The following CRAMP1 variants were observed in gnomAD, a reference collection of about 807,000 sequenced individuals.
The protein encoded by CRAMP1 is protein cramped-like.
A neutral mutation model predicts 115.4 loss-of-function variants in CRAMP1; 50 were observed. The ratio of observed to expected loss-of-function variants is 0.43; its 90% CI spans 0.35 to 0.55. CRAMP1 has a LOEUF of 0.55. Among genes scored for constraint, CRAMP1 ranks in the 20% least tolerant of loss-of-function variants. The pLI is 0.01. For missense variants in CRAMP1, 1,679 were observed against 1,721.7 expected (o/e 0.98, Z 0.44); for synonymous variants, 866 against 745.4 (o/e 1.16, Z -2.64).
intron 4 of CRAMP1, among the ~76,000 whole-genome samples, chr16:1,633,044 T>C (rs2036559253): frequency 6.6e-6 from 1 of 152,192 alleles, no homozygotes; most frequent in Non-Finnish European, 1.5e-5. Context: ...CACAGCTTGG[T>C]CCTTCCAGAT....
At chr16:1,653,234 A>C (rs1302251386) in intron 8 of CRAMP1, 78 bp downstream of exon 8, 1 of 1,500,260 alleles carries the variant, frequency 6.7e-7, no homozygotes, top group Non-Finnish European at 9.0e-7. Flanking sequence ...GTTTCCCTCA[A>C]GGAACTTCCA....
intron 9 of CRAMP1, 133 bp downstream of exon 9, chr16:1,655,433 A>G: frequency 2.7e-6 from 2 of 748,932 alleles, no homozygotes; most frequent in Admixed American, 4.0e-5. Flanking sequence ...CATGGTGTAC[A>G]TCTGGAACCA....
At position 1,656,963 on chromosome 16, in the gene CRAMP1, C is replaced by A; in HGVS notation, c.2206C>A (p.Leu736Ile). ...KQRLLSCLLK[L>I]ISTEVNPKLA... Reference sequence around the variant, plus strand: ...GCGCCTCCTCAGCTGCCTCCTGAAGCTCATTTCCACCGAGGTCAACCCCAA... The same window carrying A: ...GCGCCTCCTCAGCTGCCTCCTGAAGATCATTTCCACCGAGGTCAACCCCAA... Residue 736 changes from leucine (L) to isoleucine (I), a missense_variant, in exon 10 of 21, where the codon CTC (leucine) becomes ATC (isoleucine). Leu to Ile is a conservative substitution (Grantham distance 5). Around this residue, in one of 8 missense-constraint regions of CRAMP1, gnomAD observed 709 missense variants for 741.9 expected, o/e 0.96. Coordinates refer to ENST00000397412, the MANE Select transcript of CRAMP1 (RefSeq NM_020825.4). This position sits in a 1 kb window ranked among gnomAD's most constrained non-coding sequence, Gnocchi z 5.6. 6.4e-7 allele frequency: 1 copy of A among 1,550,988 alleles called. No homozygotes were observed.
At position 1,676,637 on chromosome 16, in the gene CRAMP1, A is replaced by G. The variant is rs1437366168; in HGVS notation, c.*2592A>G. Reference sequence around the variant, plus strand: ...TTAAGATGAGATCAGTTTCTTAGAAAAAGCTTTCCTGAATCCCTCTGACGT... The same window carrying G: ...TTAAGATGAGATCAGTTTCTTAGAAGAAGCTTTCCTGAATCCCTCTGACGT... On this transcript the variant is annotated 3_prime_UTR_variant, in exon 21 of 21. Transcript: ENST00000397412. The G allele has an allele frequency of 6.6e-6, 1 of 152,244 alleles. No homozygotes were observed. Among genetic ancestry groups the G allele is most frequent in the Non-Finnish European group, 1.5e-5 (1 of 68,048 alleles). 9.4% of individuals were successfully genotyped at this position (152,244 alleles called of 1,614,324 possible). A position where few individuals can be genotyped will look rare whatever the true frequency, so the allele number is the denominator to read the frequency against.
rs576229112 is a variant in CRAMP1, at chr16:1,674,276, C to T, written c.*231C>T. The T allele has an allele frequency of 4.1e-5, 23 of 559,364 alleles. No homozygotes were observed. The highest frequency in any genetic ancestry group is 1.2e-4 in the East Asian group (4 of 33,442). 34.7% of individuals were successfully genotyped at this position (559,364 alleles called of 1,614,324 possible). On this transcript the variant is annotated 3_prime_UTR_variant, in exon 21 of 21. Transcript: ENST00000397412. ...TTAGAAATCACTGTGGTACTAGAGC[C>T]GTTCTTCACCACGCCTGGGCCCATG...
Position 1,622,782 on chromosome 16 carries a change from G to A in CRAMP1, c.347-3191G>A, listed in dbSNP as rs943959609. Among the ~76,000 whole-genome samples the A allele has an allele frequency of 2.2e-5, 3 of 139,488 alleles. No homozygotes were observed. In the Admixed American group the frequency reaches 2.2e-4, roughly 10 times the overall value. The allele number at this position is 139,488 out of a possible 152,430, so 91.5% of individuals were successfully genotyped here. On this transcript the variant is annotated intron_variant, in intron 2 of 20. Coordinates refer to ENST00000397412, the MANE Select transcript of CRAMP1 (RefSeq NM_020825.4). ...TTTTTTTTTTTTTTTTCTTTTTTGA[G>A]ACAGTCTCTCACTCTGTCACCCAGG...
At chr16:1,633,263 G>A (rs2036560782) in intron 4 of CRAMP1, among the ~76,000 whole-genome samples, 1 of 152,222 alleles carries the variant, frequency 6.6e-6, no homozygotes, top group African/African-American at 2.4e-5. Context: ...TTTGCCCGGA[G>A]CTTTGGGAAG....
rs747427403 is a variant in CRAMP1 at position 1,666,527 on chromosome 16, A to G, written c.2963A>G (p.Glu988Gly). The part of the protein sequence containing the change: ...LSGISPLSSD[E>G]VTGAISGQDS... ...GGCATCTCTCCACTGTCTTCAGACG[A>G]GGTGACGGGTGCCATCTCGGGGCAG... Residue 988 changes from glutamate to glycine, a missense_variant, in exon 16 of 21, where the codon GAG (glutamate) becomes GGG (glycine). By Grantham distance (98) the Glu-to-Gly change is moderately conservative. Around this residue, in one of 8 missense-constraint regions of CRAMP1, gnomAD observed 709 missense variants for 741.9 expected, o/e 0.96. Coordinates refer to ENST00000397412, the MANE Select transcript of CRAMP1 (RefSeq NM_020825.4). This position sits in a 1 kb window ranked among gnomAD's most constrained non-coding sequence, Gnocchi z 5.0. The G allele has an allele frequency of 6.2e-7, 1 of 1,613,922 alleles. No homozygotes were observed. The highest frequency in any genetic ancestry group is 8.5e-7 in the Non-Finnish European group (1 of 1,179,870).
chr16:1,676,130 CAG>C lies in CRAMP1; in HGVS notation c.*2086_*2087del, dbSNP rs921430016. On this transcript the variant is annotated 3_prime_UTR_variant, in exon 21 of 21. Transcript: ENST00000397412. ...ACAGGAGGGTTTGTGAACTGCCTGTCAGGGTACCTGTTAGCCCCTGACAACTC... is the reference window on the plus strand; with the variant it reads ...ACAGGAGGGTTTGTGAACTGCCTGTCGGTACCTGTTAGCCCCTGACAACTC... The C allele has an allele frequency of 4.6e-5, 7 of 152,316 alleles. No homozygotes were observed. Among genetic ancestry groups the C allele is most frequent in the African/African-American group, 1.7e-4 (7 of 41,464 alleles). The allele number at this position is 152,316 out of a possible 1,614,324, so 9.4% of individuals were successfully genotyped here. A position where few individuals can be genotyped will look rare whatever the true frequency, so the allele number is the denominator to read the frequency against.
At chr16:1,660,694 G>C (rs921172093) in intron 11 of CRAMP1, among the ~76,000 whole-genome samples, 5 of 152,222 alleles carry the variant, frequency 3.3e-5, no homozygotes, top group African/African-American at 1.2e-4. Flanking sequence ...TTAGAATGGT[G>C]AATTTTTAAG....
At chr16:1,668,903 C>T in intron 18 of CRAMP1, 98 bp from the exon 19 acceptor site, 1 of 1,148,370 alleles carries the variant, frequency 8.7e-7, no homozygotes, top group South Asian at 1.3e-5. Context: ...GGGTAGAGCC[C>T]TGCGGCCCTG....
chr16:1,626,733 T>C (rs984336867), intron 3 of CRAMP1, among the ~76,000 whole-genome samples: 2 of 152,256 alleles, frequency 1.3e-5, no homozygotes, highest in Admixed American at 6.5e-5. Flanking sequence ...CTTGTAATTA[T>C]TGTGAGCATA....
At chr16:1,659,737 G>A (rs1177265665) in intron 10 of CRAMP1, 149 bp from the exon 11 acceptor site, 7 of 763,792 alleles carry the variant, frequency 9.2e-6, no homozygotes, top group Non-Finnish European at 1.5e-5. Context: ...TGGGGACACT[G>A]AGGTTGGGCG....
At chr16:1,612,930 G>A (rs1400075326) in intron 1 of CRAMP1, among the ~76,000 whole-genome samples, 1 of 152,224 alleles carries the variant, frequency 6.6e-6, no homozygotes, top group Non-Finnish European at 1.5e-5. Flanking sequence ...TTGGCCCTTA[G>A]GGTAAAGTCT....
At chr16:1,624,417 CTTT>C (rs35272341) in intron 2 of CRAMP1, among the ~76,000 whole-genome samples, 1 of 143,158 alleles carries the variant, frequency 7.0e-6, no homozygotes, top group African/African-American at 2.6e-5. Flanking sequence ...TTGGCTTTTG[CTTT>C]TTTTTTTTTT....
chr16:1,613,944 G>A (rs1463450465), intron 1 of CRAMP1, among the ~76,000 whole-genome samples: 1 of 152,162 alleles, frequency 6.6e-6, no homozygotes, highest in Non-Finnish European at 1.5e-5. Flanking sequence ...TTTAAAATAA[G>A]CAGGCGGGCC....
Position 1,625,956 on chromosome 16 carries a change from G to A in CRAMP1, c.347-17G>A, listed in dbSNP as rs1480829379. On this transcript the variant is annotated splice_polypyrimidine_tract_variant and intron_variant, in intron 2 of 20. Transcript: ENST00000397412. ...AGCTTTCTGGAACAGATCACTGTAC[G>A]GTGCTTTCTCTCCAAGGAGCTGAAG... 9 of 1,551,140 alleles carry A rather than the reference G, an allele frequency of 5.8e-6. No homozygotes were observed. Among genetic ancestry groups the A allele is most frequent in the East Asian group, 2.4e-5 (1 of 40,910 alleles).
Position 1,662,749 on chromosome 16 carries a change from G to A in CRAMP1, c.2596-12G>A, listed in dbSNP as rs1053480553. The A allele has an allele frequency of 1.9e-6, 3 of 1,613,680 alleles. No individual in the cohort carries two copies. The highest frequency in any genetic ancestry group is 2.5e-6 in the Non-Finnish European group (3 of 1,179,870). On this transcript the variant is annotated splice_polypyrimidine_tract_variant and intron_variant, in intron 12 of 20. Transcript: ENST00000397412. ...AGTGCACCTTCAGGTGCCGGACGCT[G>A]CTCCCTTACAGATGCAGTCGGATTT...
chr16:1,665,183 A>C, intron 14 of CRAMP1, 45 bp downstream of exon 14: 3 of 1,219,884 alleles, frequency 2.5e-6, no homozygotes, highest in Non-Finnish European at 3.7e-6. Flanking sequence ...CCTCCTCCTC[A>C]CAGGAGGGCC....
Sources: gnomAD v4.1 joint callset for allele counts (sites outside exome capture counted in the v4.1 genomes callset) on GRCh38, gnomAD v4.1.1 for gene constraint, gnomAD v4.1.1 regional missense constraint, Gnocchi (gnomAD v3.1) non-coding constraint, MANE v1.5 for transcripts, NCBI Gene and HGNC (gene_info 2026-07-23, HGNC 2026-07-21) for gene names.